The following LNX1 variants were observed in gnomAD, a reference collection of about 807,000 sequenced individuals.
LNX1 encodes E3 ubiquitin-protein ligase LNX.
A neutral mutation model predicts 68.4 loss-of-function variants in LNX1; 54 were observed. The ratio of observed to expected loss-of-function variants is 0.79; its 90% confidence interval spans 0.63 to 0.99. The LOEUF (loss-of-function observed/expected upper bound fraction) is 0.99, where lower values mean the gene tolerates loss of function less well. LNX1 is among the 50% of genes least tolerant of loss of function. The pLI is 0.00. For missense variants in LNX1, 906 were observed against 926.4 expected, an observed-to-expected ratio of 0.98 and a Z score of 0.29; for synonymous variants, 336 against 350.0, an observed-to-expected ratio of 0.96 and a Z score of 0.45.
At position 53,508,231 on chromosome 4, in the gene LNX1, TA is replaced by T. The variant is rs760729890; in HGVS notation, c.381-5del. 12 of 1,611,282 alleles carry T rather than the reference TA, an allele frequency of 7.4e-6. No individual in the cohort carries two copies. Among genetic ancestry groups the T allele is most frequent in the Non-Finnish European group, 1.0e-5 (12 of 1,177,654 alleles). On this transcript the variant is annotated splice_region_variant and splice_polypyrimidine_tract_variant and intron_variant, in intron 2 of 10. Coordinates refer to ENST00000263925, the MANE Select transcript of LNX1 (RefSeq NM_001126328.3). The stretch of plus-strand genomic sequence containing the variant: ...GTAGTGGGAGGCACCTTTACAGCTG[TA>T]ACAGAACCAGCGGGGAGGTGAAGAA...
chr4:53,554,879 C>T (rs1312586921), intron 2 of LNX1, among the ~76,000 whole-genome samples: 1 of 151,638 alleles, frequency 6.6e-6, no homozygotes, highest in Non-Finnish European at 1.5e-5. Flanking sequence ...CCTGCCTTGC[C>T]CCTGCAGGCA....
intron 9 of LNX1, among the ~76,000 whole-genome samples, chr4:53,467,520 G>C (rs544756970): frequency 1.6e-4 from 25 of 152,254 alleles, no homozygotes; most frequent in African/African-American, 5.8e-4. Flanking sequence ...AGAGAGGAAG[G>C]CTTCAGAAGA....
At chr4:53,637,176 A>G (rs1451699162) in intron 1 of LNX1, among the ~76,000 whole-genome samples, 1 of 152,134 alleles carries the variant, frequency 6.6e-6, no homozygotes, top group Non-Finnish European at 1.5e-5. Flanking sequence ...CAATAATTGG[A>G]CCAAAACACA....
rs761292976 is a variant in LNX1, at chr4:53,476,865, C to T, written c.1780G>A (p.Glu594Lys). 6.2e-7 allele frequency: 1 copy of T among 1,614,206 alleles called. No individual in the cohort carries two copies. The highest frequency in any genetic ancestry group is 8.5e-7 in the Non-Finnish European group (1 of 1,180,030). ...CTGCAGTCTTCCTGGGGCTCATACT[C>T]TTTGACTTCCAAAGCTTTGAGTACT... ...SIVLKALEVK[E>K]YEPQEDCSSP... Residue 594 changes from glutamate to lysine, a missense_variant, in exon 9 of 11, where the codon GAG becomes AAG. Transcript: ENST00000263925.
At chr4:53,594,742 C>A (rs28367315), upstream of LNX1, among the ~76,000 whole-genome samples, 1 of 151,782 alleles carries the variant, frequency 6.6e-6, no homozygotes, top group Non-Finnish European at 1.5e-5. Flanking sequence ...AGACAACTCT[C>A]CCTTTGTCAT....
chr4:53,549,281 T>C (rs1187671163), intron 2 of LNX1: 1 of 152,226 alleles, frequency 6.6e-6, no homozygotes, highest in East Asian at 1.9e-4. Flanking sequence ...CTCAATGTTT[T>C]GGACCTTTGC....
intron 2 of LNX1, among the ~76,000 whole-genome samples, chr4:53,517,864 C>T (rs1227571044): frequency 6.6e-6 from 1 of 152,146 alleles, no homozygotes; most frequent in East Asian, 1.9e-4. Flanking sequence ...CTGGGCAAGT[C>T]CACCATCTGG....
At chr4:53,507,934 G>T in intron 3 of LNX1, 52 bp downstream of exon 3, 1 of 1,588,676 alleles carries the variant, frequency 6.3e-7, no homozygotes, top group Admixed American at 1.7e-5. Context: ...TTCCACAGAG[G>T]GCAATCGCAA....
chr4:53,501,531 C>T (rs1304224997), intron 4 of LNX1, among the ~76,000 whole-genome samples: 1 of 152,152 alleles, frequency 6.6e-6, no homozygotes, highest in East Asian at 1.9e-4. Flanking sequence ...GAGATCCTCT[C>T]ACTTTGGCCT....
intron 10 of LNX1, 130 bp from the exon 11 acceptor site, chr4:53,461,172 T>A: frequency 1.3e-6 from 1 of 782,094 alleles, no homozygotes; most frequent in Non-Finnish European, 2.0e-6. Context: ...CTAATTGAGA[T>A]ATTTCTTGCC....
rs747893979 is a variant in LNX1, at chr4:53,573,818, G to T, written c.185C>A (p.Thr62Asn). 3.1e-6 allele frequency: 5 copies of T among 1,613,340 alleles called. No individual in the cohort carries two copies. The Admixed American group carries it at 8.3e-5, about 27-fold the overall frequency. ...LDTPCGHTYC[T>N]LCLTNFLVEK... ...CACCAGGAAGTTGGTGAGGCAGAGG[G>T]TGCAGTAGGTGTGTCCACACGGAGT... Residue 62 changes from threonine to asparagine, a missense_variant, in exon 2 of 11, where the codon ACC becomes AAC. Thr to Asn is a moderately conservative substitution (Grantham distance 65). Coordinates refer to ENST00000263925, the MANE Select transcript of LNX1 (RefSeq NM_001126328.3).
chr4:53,539,789 G>A lies in LNX1; in HGVS notation c.381-31562C>T, dbSNP rs190933735. 7.1e-4 allele frequency among the ~76,000 whole-genome samples: 108 copies of A among 152,260 alleles called. 1 individual carries two copies. The East Asian group carries it at 0.016, about 23-fold the overall frequency. On this transcript the variant is annotated intron_variant, in intron 2 of 10. Transcript: ENST00000263925. Reference sequence around the variant, plus strand: ...ACCCACACTATCAAAGATATTGCTCGCTTCATATTTTCAAAGTCAGCTTTT... The same window carrying A: ...ACCCACACTATCAAAGATATTGCTCACTTCATATTTTCAAAGTCAGCTTTT...
chr4:53,565,483 C>A (rs2109752369), intron 2 of LNX1, among the ~76,000 whole-genome samples: 1 of 149,826 alleles, frequency 6.7e-6, no homozygotes, highest in East Asian at 2.0e-4. Context: ...ACATCCACAC[C>A]AAAAACCCAT....
chr4:53,486,806 T>C (rs1724332428), intron 6 of LNX1, among the ~76,000 whole-genome samples: 1 of 152,246 alleles, frequency 6.6e-6, no homozygotes, highest in Admixed American at 6.5e-5. Flanking sequence ...CCAATCATAT[T>C]TATATGATGG....
chr4:53,565,060 G>C (rs1015815764), intron 2 of LNX1, among the ~76,000 whole-genome samples: 2 of 152,122 alleles, frequency 1.3e-5, no homozygotes, highest in East Asian at 1.9e-4. Context: ...AGGTGGCAGC[G>C]AGGCTGGGGG....
chr4:53,460,717 CTA>C lies in LNX1; in HGVS notation c.*188_*189del. 1.9e-6 allele frequency: 1 copy of C among 537,900 alleles called. No homozygotes were observed. The highest frequency in any genetic ancestry group is 3.2e-6 in the Non-Finnish European group (1 of 315,328). The allele number at this position is 537,900 out of a possible 1,614,324, so 33.3% of individuals were successfully genotyped here. A position where few individuals can be genotyped will look rare whatever the true frequency, so the allele number is the denominator to read the frequency against. On this transcript the variant is annotated 3_prime_UTR_variant, in exon 11 of 11. Transcript: ENST00000263925. Reference sequence around the variant, plus strand: ...AGAAATCCTCCACACTGAAAAAAAACTAGTAGTTTTAATTTTTTTGGAATCAT... The same window carrying C: ...AGAAATCCTCCACACTGAAAAAAAACGTAGTTTTAATTTTTTTGGAATCAT...
chr4:53,576,757 T>C (rs1293493602), intron 1 of LNX1, among the ~76,000 whole-genome samples: 1 of 152,126 alleles, frequency 6.6e-6, no homozygotes, highest in African/African-American at 2.4e-5. Context: ...ACGAATAACC[T>C]AACAGGAAAT....
intron 1 of LNX1, among the ~76,000 whole-genome samples, chr4:53,624,720 C>A (rs1734010401): frequency 6.6e-6 from 1 of 152,142 alleles, no homozygotes; most frequent in Non-Finnish European, 1.5e-5. Context: ...GGGTCTTTCA[C>A]CTTGACCTTT....
chr4:53,476,242 G>A (rs1290177285), intron 9 of LNX1, among the ~76,000 whole-genome samples: 6 of 152,134 alleles, frequency 3.9e-5, no homozygotes, highest in African/African-American at 4.8e-5. Context: ...AGGTTGCAGT[G>A]AGCCGAGATT....
Sources: allele counts gnomAD v4.1 joint callset (sites outside exome capture counted in the v4.1 genomes callset), GRCh38; gene constraint gnomAD v4.1.1; transcripts MANE v1.5; gene names NCBI Gene and HGNC (gene_info 2026-07-23, HGNC 2026-07-21).